The following COL5A2 variants were observed in gnomAD, a reference collection of about 807,000 sequenced individuals.
COL5A2 encodes collagen type V alpha 2 chain, also known as collagen alpha-2(V) chain.
In COL5A2, 23 loss-of-function variants were observed where a neutral mutation model predicts 208.2. That is an observed-to-expected ratio of 0.11 (90% confidence interval 0.08 to 0.16). COL5A2 has a LOEUF of 0.16. COL5A2 is among the 10% of genes least tolerant of loss of function. The pLI is 1.00. For missense variants in COL5A2, 1,590 were observed against 1,956.4 expected (o/e 0.81, Z 3.53); for synonymous variants, 625 against 628.5 (o/e 0.99, Z 0.08).
In COL5A2 at chr2:189,053,003, G is replaced by C. The variant is rs546830470; in HGVS notation, c.2569C>G (p.Pro857Ala). 1 of 1,613,782 alleles carries C rather than the reference G, an allele frequency of 6.2e-7. No homozygotes were observed. The highest frequency in any genetic ancestry group is 1.1e-5 in the South Asian group (1 of 91,068). The change falls in exon 39 of 54, where the codon CCT becomes GCT. Residue 857 changes from proline to alanine, a missense_variant. By Grantham distance (27) the Pro-to-Ala change is conservative. Transcript: ENST00000374866. ...TCTCCAGGTTCACCTTTTACTCCAG[G>C]CTGTCCGTCAGGACCCTATAAAAAA... ...FAGPQGPDGQ[P>A]GVKGEPGEPG...
chr2:189,087,906 G>A (rs10165260), intron 8 of COL5A2, among the ~76,000 whole-genome samples: 131,046 of 151,690 alleles, frequency 0.86, 57,508 homozygotes, highest in Non-Finnish European at 0.95. Context: ...TCAAAAAAAA[G>A]TTCCCAAAAG....
At chr2:189,174,247 A>G (rs62182453) in intron 1 of COL5A2, among the ~76,000 whole-genome samples, 50 of 152,322 alleles carry the variant, frequency 3.3e-4, no homozygotes, top group Non-Finnish European at 6.0e-4. Context: ...TCAAAGTGTG[A>G]AGAGCAGAAA....
At chr2:189,070,243 T>C (rs770758288) in intron 18 of COL5A2, among the ~76,000 whole-genome samples, 17 of 152,236 alleles carry the variant, frequency 1.1e-4, no homozygotes, top group Non-Finnish European at 2.4e-4. Context: ...TGTACCTATG[T>C]GGATCTAATC....
intron 53 of COL5A2, among the ~76,000 whole-genome samples, chr2:189,034,557 C>A (rs1685403291): frequency 6.6e-6 from 1 of 152,074 alleles, no homozygotes; most frequent in South Asian, 2.1e-4. Context: ...GACTTACTTA[C>A]AAATTGGTGG....
chr2:189,338,383 CTT>C, the COL5A2 span, among the ~76,000 whole-genome samples: 105 of 152,298 alleles, frequency 6.9e-4, 1 homozygote, highest in African/African-American at 2.3e-3. Flanking sequence ...CCCCAGCTCT[CTT>C]GTTTGCTTCT....
chr2:189,301,910 A>C, the COL5A2 span, among the ~76,000 whole-genome samples: 250 of 152,318 alleles, frequency 1.6e-3, 1 homozygote, highest in African/African-American at 5.6e-3. Flanking sequence ...GTAGAAATCA[A>C]AACACAAATA....
rs1457035937 is a variant in COL5A2, at chr2:189,059,012, C to T, written c.2086-119G>A. ...ATGTGCCATTAGAAGGCTGCATAAG[C>T]CAACAATTTAAAGAAAGAAAAGTAC... On this transcript the variant is annotated intron_variant, in intron 31 of 53. Coordinates refer to ENST00000374866, the MANE Select transcript of COL5A2 (RefSeq NM_000393.5). The T allele has an allele frequency of 4.3e-6, 3 of 701,506 alleles. No individual in the cohort carries two copies. The South Asian group carries it at 5.5e-5, about 13-fold the overall frequency. The allele number at this position is 701,506 out of a possible 1,614,324, so 43.5% of individuals were successfully genotyped here.
chr2:189,220,664 G>GA (rs1480161163), intron 1 of COL5A2, among the ~76,000 whole-genome samples: 2 of 151,976 alleles, frequency 1.3e-5, no homozygotes, highest in East Asian at 1.9e-4. Flanking sequence ...GAGGAATCTG[G>GA]AAAAAATCAA....
At chr2:189,075,286 T>G (rs1686380224) in intron 17 of COL5A2, 107 bp downstream of exon 17, 2 of 778,398 alleles carry the variant, frequency 2.6e-6, no homozygotes, top group Middle Eastern at 2.9e-4. Flanking sequence ...CAACTTTTTA[T>G]TCCAAGTGTC....
At chr2:189,204,452 G>A (rs1164304362) in intron 1 of COL5A2, among the ~76,000 whole-genome samples, 2 of 152,062 alleles carry the variant, frequency 1.3e-5, no homozygotes, top group African/African-American at 4.8e-5. Context: ...TGCAACCTCC[G>A]TTGTTTCTAA....
At chr2:189,260,024 A>T in the COL5A2 span, among the ~76,000 whole-genome samples, 1 of 152,200 alleles carries the variant, frequency 6.6e-6, no homozygotes, top group Non-Finnish European at 1.5e-5. Context: ...ATATGGAAGA[A>T]AGGAAAATGT....
chr2:189,068,872 G>C lies in COL5A2; in HGVS notation c.1171C>G (p.Pro391Ala). Reference sequence around the variant, plus strand: ...CCTTCAGGGCCTCGCGCCCCTGTAGGACCTGCTTCTCCCTAAAAGGGTGCA... The same window carrying C: ...CCTTCAGGGCCTCGCGCCCCTGTAGCACCTGCTTCTCCCTAAAAGGGTGCA... Reference protein sequence around the residue: ...GNPGMKGEAGPTGARGPEGPQ... With the variant: ...GNPGMKGEAGATGARGPEGPQ... The change falls in exon 19 of 54, where the codon CCT (proline) becomes GCT (alanine). Residue 391 changes from proline (P) to alanine (A), a missense_variant. Coordinates refer to ENST00000374866, the MANE Select transcript of COL5A2 (RefSeq NM_000393.5). 5 of 1,611,806 alleles carry C rather than the reference G, an allele frequency of 3.1e-6. No individual in the cohort carries two copies. The highest frequency in any genetic ancestry group is 3.4e-6 in the Non-Finnish European group (4 of 1,178,556).
the COL5A2 span, among the ~76,000 whole-genome samples, chr2:189,248,473 CAAA>C: frequency 2.0e-5 from 3 of 151,920 alleles, no homozygotes; most frequent in East Asian, 1.9e-4. Context: ...TAAAATGAAA[CAAA>C]GAAGTATTAT....
intron 16 of COL5A2, among the ~76,000 whole-genome samples, chr2:189,076,480 A>G (rs1311910224): frequency 6.6e-6 from 1 of 152,214 alleles, no homozygotes; most frequent in Non-Finnish European, 1.5e-5. Context: ...GAAAATAACA[A>G]TTATAAAGCT....
intron 1 of COL5A2, among the ~76,000 whole-genome samples, chr2:189,113,664 G>A (rs914104750): frequency 2.0e-5 from 3 of 148,278 alleles, no homozygotes; most frequent in Non-Finnish European, 4.5e-5. Context: ...AATCTTGAAG[G>A]AGCCATAGAG....
the COL5A2 span, among the ~76,000 whole-genome samples, chr2:189,272,666 T>A: frequency 7.5e-4 from 113 of 150,170 alleles, no homozygotes; most frequent in African/African-American, 2.5e-3. Context: ...ATAATTTTTT[T>A]AAAAAAAATC....
At chr2:189,395,898 CAAAAAAAAAAAA>C in the COL5A2 span, among the ~76,000 whole-genome samples, 5 of 53,210 alleles carry the variant, frequency 9.4e-5, no homozygotes, top group South Asian at 3.6e-3. Flanking sequence ...GGACACATCT[CAAAAAAAAAAAA>C]AAAAAAAAAA....
the COL5A2 span, among the ~76,000 whole-genome samples, chr2:189,273,436 A>C: frequency 6.6e-6 from 1 of 152,182 alleles, no homozygotes; most frequent in Admixed American, 6.6e-5. Flanking sequence ...TATTAAAAAA[A>C]GAAGGTTCAT....
chr2:189,354,253 T>C, the COL5A2 span, among the ~76,000 whole-genome samples: 1 of 152,210 alleles, frequency 6.6e-6, no homozygotes, highest in East Asian at 1.9e-4. Context: ...TTTTCTGTTG[T>C]GTCTCTGCCA....
Sources: allele counts gnomAD v4.1 joint callset (sites outside exome capture counted in the v4.1 genomes callset), GRCh38; gene constraint gnomAD v4.1.1; transcripts MANE v1.5; gene names NCBI Gene and HGNC (gene_info 2026-07-23, HGNC 2026-07-21).